Variants in CCDC102B observed in about 807,000 individuals in gnomAD.
CCDC102B encodes coiled-coil domain containing 102B.
In CCDC102B, 75 loss-of-function variants were observed where a neutral mutation model predicts 57.4. The observed-to-expected ratio is 1.31, with a 90% CI of 1.08 to 1.58. CCDC102B has a LOEUF of 1.58. CCDC102B is among the 40% of genes most tolerant of loss of function. The pLI, the probability that CCDC102B is intolerant of heterozygous loss-of-function variation, is 0.00. For missense variants in CCDC102B, 636 were observed against 582.6 expected (o/e 1.09, Z -0.94); for synonymous variants, 206 against 201.9 (o/e 1.02, Z -0.17).
chr18:68,776,899 T>C (rs1447608435), intron 2 of CCDC102B, among the ~76,000 whole-genome samples: 1 of 152,178 alleles, frequency 6.6e-6, no homozygotes, highest in East Asian at 1.9e-4. Flanking sequence ...CTTTTTGTAG[T>C]TTTTATTGTA....
intron 5 of CCDC102B, among the ~76,000 whole-genome samples, chr18:68,881,722 G>A (rs959908203): frequency 6.6e-6 from 1 of 152,068 alleles, no homozygotes; most frequent in South Asian, 2.1e-4. Flanking sequence ...CCAGCTTGCT[G>A]TCTACAAATC....
intron 1 of CCDC102B, among the ~76,000 whole-genome samples, chr18:68,829,563 G>A (rs975085837): frequency 2.0e-5 from 3 of 152,016 alleles, no homozygotes; most frequent in Non-Finnish European, 2.9e-5. Flanking sequence ...ACTTCGTGAA[G>A]TCTGAGAAAA....
At chr18:68,825,240 T>A (rs1482032129) in intron 1 of CCDC102B, among the ~76,000 whole-genome samples, 1 of 152,214 alleles carries the variant, frequency 6.6e-6, no homozygotes, top group Non-Finnish European at 1.5e-5. Flanking sequence ...ACTTTATGTG[T>A]TCAGAGTAAG....
intron 7 of CCDC102B, among the ~76,000 whole-genome samples, chr18:69,028,802 C>A (rs575554285): frequency 4.7e-5 from 7 of 148,724 alleles, no homozygotes; most frequent in Admixed American, 4.6e-4. Context: ...GAACAAGCAG[C>A]CCAGAATATT....
At chr18:68,903,479 A>G (rs1340469212) in intron 6 of CCDC102B, among the ~76,000 whole-genome samples, 1 of 152,220 alleles carries the variant, frequency 6.6e-6, no homozygotes, top group Non-Finnish European at 1.5e-5. Flanking sequence ...ACAAAAATGT[A>G]GAATTGCAAT....
intron 7 of CCDC102B, among the ~76,000 whole-genome samples, chr18:69,022,644 A>G (rs1376091144): frequency 1.3e-5 from 2 of 152,022 alleles, no homozygotes; most frequent in African/African-American, 4.8e-5. Context: ...CCATGCAAAT[A>G]CATTCTTTTT....
At chr18:68,838,424 G>A (rs899487859) in intron 2 of CCDC102B, 1 of 985,294 alleles carries the variant, frequency 1.0e-6, no homozygotes, top group Non-Finnish European at 1.2e-6. Context: ...TCAAGTTTGT[G>A]CAGAGTTATT....
chr18:68,846,379 G>C lies in CCDC102B; in HGVS notation c.894G>C (p.Lys298Asn). The C allele has an allele frequency of 6.3e-7, 1 of 1,590,850 alleles. No homozygotes were observed. Among genetic ancestry groups the C allele is most frequent in the East Asian group, 2.4e-5 (1 of 42,292 alleles). The change falls in exon 4 of 8, where the codon AAG (lysine) becomes AAC (asparagine). Residue 298 changes from lysine to asparagine, a missense_variant. Lys to Asn is a moderately conservative substitution (Grantham distance 94). Transcript: ENST00000360242. ...LESALSLWKW[K>N]YEELKESKPK... is the part of the protein sequence containing the mutation. ...CGGCTTTGTCTCTGTGGAAGTGGAA[G>C]TATGAAGAACTGAAAGAATCAAAGC...
intron 6 of CCDC102B, among the ~76,000 whole-genome samples, chr18:68,905,879 C>T (rs1210548800): frequency 4.7e-5 from 7 of 149,176 alleles, no homozygotes; most frequent in African/African-American, 1.7e-4. Flanking sequence ...CTGCAAGCTC[C>T]GCCTCCCGGG....
chr18:68,729,201 AAC>A (rs2145199279), intron 2 of CCDC102B, among the ~76,000 whole-genome samples: 1 of 152,354 alleles, frequency 6.6e-6, no homozygotes, highest in South Asian at 2.1e-4. Flanking sequence ...AAAGAAATTA[AAC>A]AAGATGCCAA....
At chr18:68,960,553 G>A (rs1009178186) in intron 6 of CCDC102B, among the ~76,000 whole-genome samples, 2 of 152,126 alleles carry the variant, frequency 1.3e-5, no homozygotes, top group African/African-American at 4.8e-5. Flanking sequence ...AAGTACACTG[G>A]CTCAGAGCCC....
intron 4 of CCDC102B, among the ~76,000 whole-genome samples, chr18:68,857,529 C>T (rs1419956891): frequency 6.7e-6 from 1 of 148,810 alleles, no homozygotes; most frequent in African/African-American, 2.5e-5. Context: ...GTTCCACTTA[C>T]CTTGTATCAC....
intron 6 of CCDC102B, among the ~76,000 whole-genome samples, chr18:68,910,216 C>T (rs1271020774): frequency 6.6e-6 from 1 of 152,156 alleles, no homozygotes; most frequent in Admixed American, 6.5e-5. Flanking sequence ...TCCTTTCAAT[C>T]TGGTACGTGG....
At chr18:68,717,235 C>T (rs969153654) in intron 2 of CCDC102B, among the ~76,000 whole-genome samples, 1 of 152,102 alleles carries the variant, frequency 6.6e-6, no homozygotes, top group South Asian at 2.1e-4. Flanking sequence ...AGAGCAAGAC[C>T]ATGTCTCTAT....
intron 3 of CCDC102B, among the ~76,000 whole-genome samples, chr18:68,840,709 T>C (rs554034663): frequency 4.1e-4 from 62 of 152,308 alleles, no homozygotes; most frequent in South Asian, 2.9e-3. Context: ...CCAGCCCACA[T>C]ACAATATTAC....
At chr18:69,042,481 AC>A (rs2052458078) in intron 7 of CCDC102B, among the ~76,000 whole-genome samples, 1 of 152,048 alleles carries the variant, frequency 6.6e-6, no homozygotes, top group Non-Finnish European at 1.5e-5. Flanking sequence ...GTCTCACTGG[AC>A]CCGCAGCATT....
At chr18:68,796,555 G>A (rs879395730), upstream of CCDC102B, among the ~76,000 whole-genome samples, 1 of 152,048 alleles carries the variant, frequency 6.6e-6, no homozygotes, top group African/African-American at 2.4e-5. Context: ...TAAACTATGA[G>A]GATGGGTGGC....
At chr18:68,936,100 A>T (rs2049228620) in intron 6 of CCDC102B, among the ~76,000 whole-genome samples, 1 of 152,036 alleles carries the variant, frequency 6.6e-6, no homozygotes, top group African/African-American at 2.4e-5. Context: ...ATTTTGTGTG[A>T]AATTATCTAA....
At chr18:68,894,482 T>C (rs865778018) in intron 5 of CCDC102B, among the ~76,000 whole-genome samples, 23 of 151,896 alleles carry the variant, frequency 1.5e-4, no homozygotes, top group African/African-American at 5.5e-4. Flanking sequence ...AGCAAAGCAA[T>C]GGAATTCTAT....
Sources: allele counts gnomAD v4.1 joint callset (sites outside exome capture counted in the v4.1 genomes callset), GRCh38; gene constraint gnomAD v4.1.1; transcripts MANE v1.5; gene names NCBI Gene and HGNC (gene_info 2026-07-23, HGNC 2026-07-21).